The following WDR33 variants were observed in gnomAD, a reference collection of about 807,000 sequenced individuals.
WDR33 encodes the protein WD repeat domain 33.
In WDR33, 47 loss-of-function variants were observed where a neutral mutation model predicts 164.9. That is an observed-to-expected ratio of 0.29 (90% CI 0.23 to 0.36). The LOEUF is 0.36. Ranked by LOEUF, WDR33 falls within the 10% of genes least tolerant of loss-of-function variation. WDR33 has a pLI of 1.00. For synonymous variants in WDR33, 505 were observed against 589.0 expected (o/e 0.86, Z 2.06); for missense variants, 1,137 against 1,754.1 (o/e 0.65, Z 6.28).
chr2:127,701,258 G>T lies in WDR33; in HGVS notation c.*5065C>A. 1 of 296,554 alleles carries T rather than the reference G, an allele frequency of 3.4e-6. No individual in the cohort carries two copies. The highest frequency in any genetic ancestry group is 6.2e-6 in the Non-Finnish European group (1 of 161,684). The allele number at this position is 296,554 out of a possible 1,614,324, so 18.4% of individuals were successfully genotyped here. On this transcript the variant is annotated 3_prime_UTR_variant, in exon 22 of 22. Transcript: ENST00000322313. The stretch of plus-strand genomic sequence containing the variant: ...GCCTTCCAACTATTAATGCTGGCAG[G>T]ACTTAGCCAGACCGCAAGGGCGCCT...
intron 7 of WDR33, among the ~76,000 whole-genome samples, chr2:127,757,560 T>C (rs1483613116): frequency 6.6e-6 from 1 of 152,032 alleles, no homozygotes; most frequent in Non-Finnish European, 1.5e-5. Context: ...AGGTGGTTGT[T>C]TGGATATATG....
At chr2:127,746,042 A>G (rs568045535) in intron 7 of WDR33, among the ~76,000 whole-genome samples, 2 of 56,870 alleles carry the variant, frequency 3.5e-5, no homozygotes, top group South Asian at 1.4e-3. Flanking sequence ...TAAAATAATT[A>G]AAAAAAAAAA....
chr2:127,746,688 G>A (rs1005069280), intron 7 of WDR33, among the ~76,000 whole-genome samples: 5 of 152,178 alleles, frequency 3.3e-5, no homozygotes, highest in Admixed American at 6.5e-5. Context: ...GTTCCCCAGA[G>A]GAAATACGGA....
At chr2:127,807,665 T>C (rs1369569512) in intron 1 of WDR33, among the ~76,000 whole-genome samples, 1 of 152,230 alleles carries the variant, frequency 6.6e-6, no homozygotes, top group African/African-American at 2.4e-5. Flanking sequence ...GAATACAATC[T>C]AGGCAAAGAG....
intron 1 of WDR33, among the ~76,000 whole-genome samples, chr2:127,806,504 G>A (rs1478966427): frequency 6.6e-6 from 1 of 152,050 alleles, no homozygotes; most frequent in Non-Finnish European, 1.5e-5. Context: ...ACTGCGCCCG[G>A]CCTCTCTTTA....
chr2:127,783,407 G>A (rs1037069838), intron 1 of WDR33, among the ~76,000 whole-genome samples: 9 of 152,088 alleles, frequency 5.9e-5, no homozygotes, highest in African/African-American at 2.2e-4. Flanking sequence ...TTTCAGTGGA[G>A]ACTAATGTCA....
chr2:127,747,433 C>T (rs531903762), intron 7 of WDR33, among the ~76,000 whole-genome samples: 5 of 149,794 alleles, frequency 3.3e-5, no homozygotes, highest in Admixed American at 3.3e-4. Flanking sequence ...TACCGCTGCT[C>T]TACCGAAAAA....
chr2:127,737,467 A>G, intron 7 of WDR33: 5 of 985,734 alleles, frequency 5.1e-6, no homozygotes, highest in Non-Finnish European at 6.0e-6. Context: ...ACAGTCAAGA[A>G]AAGCAGTATA....
chr2:127,805,640 C>G (rs945536532), intron 1 of WDR33, among the ~76,000 whole-genome samples: 1 of 151,896 alleles, frequency 6.6e-6, no homozygotes, highest in Non-Finnish European at 1.5e-5. Flanking sequence ...CAAGAAGAAC[C>G]CTTTGAAACT....
chr2:127,798,995 A>T (rs1414208775), intron 1 of WDR33: 1 of 152,106 alleles, frequency 6.6e-6, no homozygotes, highest in Non-Finnish European at 1.5e-5. Context: ...CCATCGGACC[A>T]GCCAAAAGCT....
chr2:127,795,396 G>A (rs6722353), intron 1 of WDR33, among the ~76,000 whole-genome samples: 32,985 of 151,748 alleles, frequency 0.22, 3,870 homozygotes, highest in Middle Eastern at 0.3. Flanking sequence ...ATCGTGCCCT[G>A]CCTGAAACAA....
In WDR33 at chr2:127,701,994, A is replaced by ACGCTGTTCGCCG; in HGVS notation, c.*4317_*4328dup. 1 of 1,332,596 alleles carries ACGCTGTTCGCCG rather than the reference A, an allele frequency of 7.5e-7. No homozygotes were observed. Among genetic ancestry groups the ACGCTGTTCGCCG allele is most frequent in the African/African-American group, 1.6e-5 (1 of 64,368 alleles). 82.5% of individuals were successfully genotyped at this position (1,332,596 alleles called of 1,614,324 possible). On this transcript the variant is annotated 3_prime_UTR_variant, in exon 22 of 22. Coordinates refer to ENST00000322313, the MANE Select transcript of WDR33 (RefSeq NM_018383.5). ...GCTCTACATGGCAGCGCTGGGCGCC[A>ACGCTGTTCGCCG]CGCTGTTCGCCGCGCTGGGCCTTCG...
intron 3 of WDR33, 139 bp downstream of exon 3, chr2:127,768,794 A>G (rs993493193): frequency 1.1e-5 from 6 of 540,446 alleles, no homozygotes; most frequent in Non-Finnish European, 1.9e-5. Flanking sequence ...CAGATGTGTT[A>G]TATTATCCCT....
chr2:127,789,669 CCTTT>C (rs1688775602), intron 1 of WDR33, among the ~76,000 whole-genome samples: 1 of 151,778 alleles, frequency 6.6e-6, no homozygotes, highest in Non-Finnish European at 1.5e-5. Context: ...TCCGCATCTT[CCTTT>C]CTGTTCTAAA....
At chr2:127,789,553 T>C (rs1688768665) in intron 1 of WDR33, among the ~76,000 whole-genome samples, 1 of 149,080 alleles carries the variant, frequency 6.7e-6, no homozygotes, top group South Asian at 2.2e-4. Context: ...CAGTCAGGCG[T>C]GGCGGCGCGT....
intron 7 of WDR33, among the ~76,000 whole-genome samples, chr2:127,727,345 G>A (rs1480244752): frequency 6.6e-6 from 1 of 152,118 alleles, no homozygotes. Flanking sequence ...AGTTAGATGA[G>A]GTAATAATAA....
At position 127,713,643 on chromosome 2, in the gene WDR33, C is replaced by T; in HGVS notation, c.3248G>A (p.Gly1083Glu). The T allele has an allele frequency of 1.2e-6, 2 of 1,614,278 alleles. No homozygotes were observed. The highest frequency in any genetic ancestry group is 1.7e-6 in the Non-Finnish European group (2 of 1,180,054). ...PPGAWEGRRP[G>E]DERFPRDPED... ...GGGATCCCGGGGGAAACGTTCATCT[C>T]CGGGCCTGCGGCCTTCCCATGCCCC... The change falls in exon 18 of 22, where the codon GGA becomes GAA. Residue 1083 changes from glycine to glutamate, a missense_variant. Gly to Glu is a moderately conservative substitution (Grantham distance 98). Coordinates refer to ENST00000322313, the MANE Select transcript of WDR33 (RefSeq NM_018383.5). The surrounding 1 kb of genome is among the most constrained non-coding windows in gnomAD (Gnocchi z 6.2).
At chr2:127,808,859 T>C (rs916096543) in intron 1 of WDR33, among the ~76,000 whole-genome samples, 2 of 151,840 alleles carry the variant, frequency 1.3e-5, no homozygotes, top group African/African-American at 4.8e-5. Context: ...TGAAATCCCG[T>C]CTCTACTAAA....
chr2:127,734,270 G>A (rs535128133), intron 7 of WDR33, among the ~76,000 whole-genome samples: 1 of 152,258 alleles, frequency 6.6e-6, no homozygotes, highest in Admixed American at 6.5e-5. Context: ...TAATCACACT[G>A]AGTTATTTTT....
Sources: allele counts gnomAD v4.1 joint callset (sites outside exome capture counted in the v4.1 genomes callset), GRCh38; gene constraint gnomAD v4.1.1; non-coding constraint Gnocchi (gnomAD v3.1); transcripts MANE v1.5; gene names NCBI Gene and HGNC (gene_info 2026-07-23, HGNC 2026-07-21).